CALCR: variants seen among roughly 807,000 people sequenced by gnomAD.
The protein encoded by CALCR is calcitonin receptor.
CALCR carries 47 observed loss-of-function variants against 59.5 expected under a neutral mutation model. The observed-to-expected ratio is 0.79, with a 90% CI of 0.63 to 1.01. CALCR has a LOEUF of 1.01. Ranked by LOEUF, CALCR falls within the 50% of genes least tolerant of loss-of-function variation. CALCR has a pLI of 0.00. For missense variants in CALCR, 566 were observed against 597.1 expected (o/e 0.95, Z 0.54); for synonymous variants, 213 against 211.3 (o/e 1.01, Z -0.07).
chr7:93,445,314 T>C (rs1799987679), intron 8 of CALCR, among the ~76,000 whole-genome samples: 1 of 152,108 alleles, frequency 6.6e-6, no homozygotes, highest in Non-Finnish European at 1.5e-5. Context: ...ATAAATAAAA[T>C]GTGAAATTCA....
chr7:93,443,708 T>G lies in CALCR; in HGVS notation c.698A>C (p.Asn233Thr). The change falls in exon 9 of 14, where the codon AAC becomes ACC. Residue 233 changes from asparagine (N) to threonine (T), a missense_variant. Coordinates refer to ENST00000426151, the MANE Select transcript of CALCR (RefSeq NM_001742.4). Reference protein sequence around the residue: ...HFFHQYMMACNYFWMLCEGIY... With the variant: ...HFFHQYMMACTYFWMLCEGIY... ...CCCTTCACAGAGCATCCAGAAATAG[T>G]TGCAGGCCATCATGTACTGGTGGAA... 1 of 1,613,182 alleles carries G rather than the reference T, an allele frequency of 6.2e-7. No homozygotes were observed. Among genetic ancestry groups the G allele is most frequent in the South Asian group, 1.1e-5 (1 of 91,050 alleles).
At chr7:93,556,617 A>G (rs147280253) in intron 2 of CALCR, among the ~76,000 whole-genome samples, 10 of 152,152 alleles carry the variant, frequency 6.6e-5, no homozygotes, top group African/African-American at 1.7e-4. Flanking sequence ...TTCTGTGCAC[A>G]TAGGCATGTG....
chr7:93,535,221 T>C (rs1364958399), intron 2 of CALCR, among the ~76,000 whole-genome samples: 2 of 151,886 alleles, frequency 1.3e-5, no homozygotes, highest in East Asian at 3.9e-4. Context: ...TATGCTCTAG[T>C]TCTCCAAGTA....
chr7:93,515,047 A>G (rs1801621211), intron 2 of CALCR, among the ~76,000 whole-genome samples: 1 of 152,058 alleles, frequency 6.6e-6, no homozygotes, highest in Non-Finnish European at 1.5e-5. Flanking sequence ...TTCTGGATTC[A>G]AATACATCTT....
Position 93,477,505 on chromosome 7 carries a change from G to GAA in CALCR, c.316+51_316+52dup, listed in dbSNP as rs1800690496. ...TATCTGATTTTCTTCTCAAAACCAT[G>GAA]AAAACTCTAAAAGCTTCATAGCAAG... On this transcript the variant is annotated intron_variant, in intron 5 of 13. Coordinates refer to ENST00000426151, the MANE Select transcript of CALCR (RefSeq NM_001742.4). 9.4e-6 allele frequency: 12 copies of GAA among 1,277,272 alleles called. No individual in the cohort carries two copies. In the East Asian group the frequency reaches 2.9e-4, roughly 31 times the overall value. 79.1% of individuals were successfully genotyped at this position (1,277,272 alleles called of 1,614,324 possible). A position where few individuals can be genotyped will look rare whatever the true frequency, so the allele number is the denominator to read the frequency against.
At position 93,426,361 on chromosome 7, in the gene CALCR, C is replaced by A. The variant is rs1196989174; in HGVS notation, c.1420G>T (p.Ala474Ser). 1 of 1,571,200 alleles carries A rather than the reference C, an allele frequency of 6.4e-7. No homozygotes were observed. Among genetic ancestry groups the A allele is most frequent in the Admixed American group, 1.7e-5 (1 of 59,958 alleles). Residue 474 changes from alanine (A) to serine (S), a missense_variant, in exon 14 of 14, where the codon GCT (alanine) becomes TCT (serine). Transcript: ENST00000426151. ...ATGCTGTGTTTGCTTCACATTCAAG[C>A]AGATGACTCTTGCTCTATGATATTC... Reference protein sequence around the residue: ...PLNIIEQESSA With the variant: ...PLNIIEQESSS
rs1476816009 is a variant in CALCR, at chr7:93,544,050, A to G, written c.-27+30239T>C. Reference sequence around the variant, plus strand: ...GAATAGAAATTGAAAAATTTGCAGCATAACTTACGACCAATCATGACAATT... The same window carrying G: ...GAATAGAAATTGAAAAATTTGCAGCGTAACTTACGACCAATCATGACAATT... On this transcript the variant is annotated intron_variant, in intron 2 of 13. Coordinates refer to ENST00000426151, the MANE Select transcript of CALCR (RefSeq NM_001742.4). Among the ~76,000 whole-genome samples, 14 of 152,138 alleles carry G rather than the reference A, an allele frequency of 9.2e-5. 1 individual carries two copies. The highest frequency in any genetic ancestry group is 2.9e-5 in the Non-Finnish European group (2 of 68,010).
chr7:93,502,498 A>G (rs756758108), intron 2 of CALCR, among the ~76,000 whole-genome samples: 23 of 152,158 alleles, frequency 1.5e-4, no homozygotes, highest in Admixed American at 6.6e-5. Flanking sequence ...CTTAAAGATT[A>G]TATAACTATC....
At chr7:93,528,616 T>C (rs1187627450) in intron 2 of CALCR, among the ~76,000 whole-genome samples, 1 of 152,230 alleles carries the variant, frequency 6.6e-6, no homozygotes, top group African/African-American at 2.4e-5. Flanking sequence ...AAGGCATCAT[T>C]CTCTAATTTA....
At chr7:93,536,907 T>A (rs888864823) in intron 2 of CALCR, among the ~76,000 whole-genome samples, 1 of 151,838 alleles carries the variant, frequency 6.6e-6, no homozygotes, top group Non-Finnish European at 1.5e-5. Context: ...CGTAAAAGAA[T>A]ATGCTTGTTC....
At chr7:93,497,724 C>T (rs1801240001) in intron 2 of CALCR, among the ~76,000 whole-genome samples, 1 of 151,074 alleles carries the variant, frequency 6.6e-6, no homozygotes, top group Non-Finnish European at 1.5e-5. Flanking sequence ...ACAGCATGTC[C>T]TTCATATCTT....
At chr7:93,545,039 G>A (rs1174655298) in intron 2 of CALCR, among the ~76,000 whole-genome samples, 1 of 152,008 alleles carries the variant, frequency 6.6e-6, no homozygotes, top group African/African-American at 2.4e-5. Context: ...CTACTGCTTG[G>A]ACTTTTTCGT....
At chr7:93,542,463 A>G (rs544403312) in intron 2 of CALCR, among the ~76,000 whole-genome samples, 2 of 152,326 alleles carry the variant, frequency 1.3e-5, no homozygotes, top group Non-Finnish European at 2.9e-5. Context: ...GGGTGAGTCA[A>G]TGAGTGAGTG....
At chr7:93,440,468 T>G (rs1471089464) in intron 9 of CALCR, among the ~76,000 whole-genome samples, 1 of 152,062 alleles carries the variant, frequency 6.6e-6, no homozygotes, top group Non-Finnish European at 1.5e-5. Flanking sequence ...ATATGTCAAT[T>G]TTGTTCTCAG....
In CALCR at chr7:93,465,524, G is replaced by A. The variant is rs150757237; in HGVS notation, c.521+3191C>T. Among the ~76,000 whole-genome samples the A allele has an allele frequency of 2.1e-3, 315 of 151,958 alleles. 1 individual carries two copies. Among genetic ancestry groups the A allele is most frequent in the African/African-American group, 6.6e-3 (276 of 41,504 alleles). The stretch of plus-strand genomic sequence containing the variant: ...ATGCTGTCTTCTATCTTTAACTGGT[G>A]TACCAGAAATGACCTGCATATCATC... On this transcript the variant is annotated intron_variant, in intron 7 of 13. Coordinates refer to ENST00000426151, the MANE Select transcript of CALCR (RefSeq NM_001742.4).
At chr7:93,563,213 T>G (rs754452274) in intron 2 of CALCR, among the ~76,000 whole-genome samples, 5 of 152,202 alleles carry the variant, frequency 3.3e-5, no homozygotes, top group Non-Finnish European at 5.9e-5. Flanking sequence ...AAATAGATCT[T>G]GGAAAGTTTA....
At chr7:93,548,118 C>T (rs1005097467) in intron 2 of CALCR, among the ~76,000 whole-genome samples, 1 of 152,166 alleles carries the variant, frequency 6.6e-6, no homozygotes, top group Non-Finnish European at 1.5e-5. Flanking sequence ...TTTTCTAAGA[C>T]TGATCTGTCT....
At chr7:93,440,209 A>G (rs190963166) in intron 9 of CALCR, among the ~76,000 whole-genome samples, 1 of 152,224 alleles carries the variant, frequency 6.6e-6, no homozygotes, top group East Asian at 1.9e-4. Flanking sequence ...AAAAGTATGT[A>G]GGTTTTGCTT....
At chr7:93,490,370 C>A (rs1801047219) in intron 2 of CALCR, among the ~76,000 whole-genome samples, 1 of 151,858 alleles carries the variant, frequency 6.6e-6, no homozygotes, top group East Asian at 1.9e-4. Context: ...TCTCACTGCT[C>A]CTATTCAACA....
Sources: allele counts gnomAD v4.1 joint callset (sites outside exome capture counted in the v4.1 genomes callset), GRCh38; gene constraint gnomAD v4.1.1; transcripts MANE v1.5; gene names NCBI Gene and HGNC (gene_info 2026-07-23, HGNC 2026-07-21).